FAM13C: variants seen among roughly 807,000 people sequenced by gnomAD.
The protein encoded by FAM13C is family with sequence similarity 13 member C.
FAM13C carries 37 observed loss-of-function variants against 73.2 expected under a neutral mutation model. The ratio of observed to expected loss-of-function variants is 0.51; its 90% confidence interval spans 0.39 to 0.67. The LOEUF is 0.67. Ranked by LOEUF, FAM13C falls within the 30% of genes least tolerant of loss-of-function variation. The pLI, the probability that FAM13C is intolerant of heterozygous loss-of-function variation, is 0.00. For missense variants in FAM13C, 589 were observed against 715.6 expected (o/e 0.82, Z 2.02); for synonymous variants, 246 against 260.9 (o/e 0.94, Z 0.55).
chr10:59,259,107 G>A (rs540645704), intron 10 of FAM13C, among the ~76,000 whole-genome samples: 2 of 152,252 alleles, frequency 1.3e-5, no homozygotes, highest in East Asian at 3.9e-4. Context: ...AATTTCCAGT[G>A]TACAGCCATG....
At chr10:59,294,144 T>C (rs1226200781) in intron 5 of FAM13C, among the ~76,000 whole-genome samples, 1 of 152,218 alleles carries the variant, frequency 6.6e-6, no homozygotes, top group Admixed American at 6.5e-5. Context: ...ACTATATTCA[T>C]TGCTCTTACG....
chr10:59,331,025 T>C (rs1285789561), intron 3 of FAM13C, among the ~76,000 whole-genome samples: 7 of 152,202 alleles, frequency 4.6e-5, no homozygotes, highest in African/African-American at 1.7e-4. Flanking sequence ...CTTGGTTTTC[T>C]GATGACATAC....
At chr10:59,341,058 C>T (rs1272187235) in intron 3 of FAM13C, among the ~76,000 whole-genome samples, 1 of 152,032 alleles carries the variant, frequency 6.6e-6, no homozygotes, top group East Asian at 1.9e-4. Flanking sequence ...TCCTGTGGAT[C>T]CACAAGCACC....
intron 4 of FAM13C, among the ~76,000 whole-genome samples, chr10:59,311,777 C>T (rs1329202156): frequency 2.0e-5 from 3 of 152,258 alleles, no homozygotes; most frequent in South Asian, 2.1e-4. Context: ...CTTTCCTCAA[C>T]TTTCAGAGGG....
chr10:59,322,458 A>C (rs1322426790), intron 4 of FAM13C, among the ~76,000 whole-genome samples: 1 of 152,186 alleles, frequency 6.6e-6, no homozygotes, highest in East Asian at 1.9e-4. Context: ...CGAAAAAGAC[A>C]ACAAGGTATT....
At chr10:59,317,428 T>A (rs1402182216) in intron 4 of FAM13C, among the ~76,000 whole-genome samples, 1 of 152,200 alleles carries the variant, frequency 6.6e-6, no homozygotes, top group Non-Finnish European at 1.5e-5. Context: ...TGTTCAGATG[T>A]TAAGGACAAA....
chr10:59,282,383 T>C (rs1229300986), intron 6 of FAM13C, among the ~76,000 whole-genome samples: 1 of 152,138 alleles, frequency 6.6e-6, no homozygotes, highest in Non-Finnish European at 1.5e-5. Flanking sequence ...TGTGGGTCTG[T>C]TTTCTTTCTT....
intron 2 of FAM13C, among the ~76,000 whole-genome samples, chr10:59,354,890 T>A (rs1855517085): frequency 2.0e-5 from 3 of 152,132 alleles, no homozygotes; most frequent in East Asian, 3.9e-4. Flanking sequence ...CTGAACCACT[T>A]GCTGTTCCTG....
intron 5 of FAM13C, among the ~76,000 whole-genome samples, chr10:59,293,413 C>A (rs1846520447): frequency 6.6e-6 from 1 of 152,176 alleles, no homozygotes; most frequent in Non-Finnish European, 1.5e-5. Flanking sequence ...TGAGCAAGAA[C>A]ATGCAGTGTT....
chr10:59,361,202 A>C (rs1856370700), intron 1 of FAM13C: 1 of 870,266 alleles, frequency 1.1e-6, no homozygotes, highest in Admixed American at 3.2e-5. Context: ...CTTCTTCTAA[A>C]GTCAATCCTG....
At chr10:59,345,825 CA>C (rs1166483086) in intron 3 of FAM13C, among the ~76,000 whole-genome samples, 1 of 152,180 alleles carries the variant, frequency 6.6e-6, no homozygotes, top group Non-Finnish European at 1.5e-5. Flanking sequence ...CACACCTAAT[CA>C]AAAACTGAAG....
chr10:59,252,634 T>C (rs1841505830), intron 12 of FAM13C, among the ~76,000 whole-genome samples, 165 bp downstream of exon 12: 1 of 152,094 alleles, frequency 6.6e-6, no homozygotes, highest in Admixed American at 6.6e-5. Context: ...GGATTTCTAG[T>C]GGAAAAACTA....
At chr10:59,252,772 G>C in intron 12 of FAM13C, 27 bp downstream of exon 12, 1 of 1,606,878 alleles carries the variant, frequency 6.2e-7, no homozygotes, top group Admixed American at 1.7e-5. Context: ...GTTAAGAGGA[G>C]ACTCCACACT....
chr10:59,253,147 AG>A lies in FAM13C; in HGVS notation c.1333-150del, dbSNP rs1270469123. ...CTGAGAACTGGGATGGAAGAAACCA[AG>A]AGGAGCTCTTCCGCAGTTTCATTAA... is the stretch of plus-strand genomic sequence containing the variant. On this transcript the variant is annotated intron_variant, in intron 11 of 13. Coordinates refer to ENST00000618804, the MANE Select transcript of FAM13C (RefSeq NM_198215.4). The A allele has an allele frequency of 4.2e-6, 3 of 717,538 alleles. No homozygotes were observed. The African/African-American group carries it at 5.3e-5, about 13-fold the overall frequency. 44.4% of individuals were successfully genotyped at this position (717,538 alleles called of 1,614,324 possible).
At chr10:59,257,576 G>C (rs980234119) in intron 10 of FAM13C, among the ~76,000 whole-genome samples, 1 of 152,216 alleles carries the variant, frequency 6.6e-6, no homozygotes, top group Admixed American at 6.5e-5. Flanking sequence ...TGGAAAACAT[G>C]CTTCTTAGCT....
intron 12 of FAM13C, among the ~76,000 whole-genome samples, chr10:59,252,105 T>G (rs767433372): frequency 1.8e-4 from 28 of 152,146 alleles, no homozygotes; most frequent in Non-Finnish European, 3.7e-4. Flanking sequence ...ATTGGGAGAA[T>G]AGCAAAACCC....
intron 3 of FAM13C, among the ~76,000 whole-genome samples, chr10:59,332,015 C>A (rs1367841826): frequency 9.2e-5 from 14 of 152,044 alleles, no homozygotes; most frequent in Admixed American, 9.2e-4. Context: ...GCTGGCAATA[C>A]ATATTTGAGA....
chr10:59,353,209 A>T (rs1855297737), intron 2 of FAM13C, among the ~76,000 whole-genome samples: 1 of 152,148 alleles, frequency 6.6e-6, no homozygotes, highest in African/African-American at 2.4e-5. Flanking sequence ...TCAACAATCA[A>T]ATTCTGTACA....
chr10:59,292,634 T>C (rs1846392268), intron 5 of FAM13C, among the ~76,000 whole-genome samples: 2 of 152,260 alleles, frequency 1.3e-5, no homozygotes, highest in South Asian at 2.1e-4. Context: ...CATATATCTA[T>C]GCCTTTAAAG....
Sources: gnomAD v4.1 joint callset for allele counts (sites outside exome capture counted in the v4.1 genomes callset) on GRCh38, gnomAD v4.1.1 for gene constraint, MANE v1.5 for transcripts, NCBI Gene and HGNC (gene_info 2026-07-23, HGNC 2026-07-21) for gene names.